Variants in DCC observed in about 807,000 individuals in gnomAD.
DCC encodes the protein DCC netrin 1 receptor.
In DCC, 58 loss-of-function variants were observed where a neutral mutation model predicts 172.5. That is an observed-to-expected ratio of 0.34 (90% CI 0.27 to 0.42). DCC has a LOEUF of 0.42. DCC is among the 10% of genes least tolerant of loss of function. The pLI, the probability that DCC is intolerant of heterozygous loss-of-function variation, is 1.00. For missense variants in DCC, 1,740 were observed against 1,791.0 expected (o/e 0.97, Z 0.51); for synonymous variants, 709 against 644.5 (o/e 1.10, Z -1.52).
chr18:53,091,777 A>G (rs1454873708), intron 7 of DCC, among the ~76,000 whole-genome samples: 2 of 151,922 alleles, frequency 1.3e-5, no homozygotes, highest in Non-Finnish European at 2.9e-5. Context: ...GGGAATATGA[A>G]TGTTACGTTC....
intron 13 of DCC, among the ~76,000 whole-genome samples, chr18:53,309,456 A>G (rs1381136613): frequency 6.6e-6 from 1 of 152,362 alleles, no homozygotes; most frequent in East Asian, 1.9e-4. Context: ...ATAAGGTCAC[A>G]TGCTGATCCT....
intron 7 of DCC, among the ~76,000 whole-genome samples, chr18:53,140,434 G>A (rs1318499815): frequency 1.3e-5 from 2 of 152,128 alleles, no homozygotes; most frequent in Admixed American, 6.5e-5. Flanking sequence ...GCAGAATAAC[G>A]AATGGAGTTG....
chr18:52,997,282 T>G (rs1394851478), intron 5 of DCC, among the ~76,000 whole-genome samples: 1 of 152,134 alleles, frequency 6.6e-6, no homozygotes, highest in Non-Finnish European at 1.5e-5. Flanking sequence ...ATATTCTACT[T>G]AGAATTTTGT....
At chr18:53,101,741 A>T (rs2043174649) in intron 7 of DCC, among the ~76,000 whole-genome samples, 1 of 152,018 alleles carries the variant, frequency 6.6e-6, no homozygotes, top group Non-Finnish European at 1.5e-5. Flanking sequence ...TTTACTAGAG[A>T]TGCCATCAAG....
chr18:52,712,536 T>C (rs1040014073), intron 1 of DCC, among the ~76,000 whole-genome samples: 1 of 152,170 alleles, frequency 6.6e-6, no homozygotes, highest in Non-Finnish European at 1.5e-5. Flanking sequence ...GTGACTGATC[T>C]CAAAGCAGGT....
At chr18:53,134,486 A>C (rs1368371956) in intron 7 of DCC, among the ~76,000 whole-genome samples, 1 of 152,142 alleles carries the variant, frequency 6.6e-6, no homozygotes, top group East Asian at 1.9e-4. Context: ...CTAGAGCCTT[A>C]CACTGTTCTT....
intron 1 of DCC, among the ~76,000 whole-genome samples, chr18:52,736,796 T>C (rs1429823186): frequency 6.6e-6 from 1 of 152,060 alleles, no homozygotes; most frequent in Non-Finnish European, 1.5e-5. Context: ...CTACAGGTAT[T>C]AGGAGAGAAC....
intron 7 of DCC, among the ~76,000 whole-genome samples, chr18:53,139,425 A>C (rs2043797337): frequency 6.6e-6 from 1 of 151,584 alleles, no homozygotes; most frequent in African/African-American, 2.4e-5. Flanking sequence ...AAAGTGTCCA[A>C]TGTCATGCAC....
chr18:52,919,702 T>C (rs1943122), intron 3 of DCC, among the ~76,000 whole-genome samples: 59,510 of 151,526 alleles, frequency 0.39, 12,298 homozygotes, highest in Non-Finnish European at 0.47. Flanking sequence ...AAAGATTAAA[T>C]ATTGGTAAGT....
Position 52,952,809 on chromosome 18 carries a change from C to T in DCC, c.985+27439C>T, listed in dbSNP as rs141487513. On this transcript the variant is annotated intron_variant, in intron 5 of 28. Transcript: ENST00000442544. ...GAGGCCAGGAGTTCAAGACTATCCT[C>T]GGCAACATAGTGAGATCCTGTCTTA... Among the ~76,000 whole-genome samples, 45 of 151,762 alleles carry T rather than the reference C, an allele frequency of 3.0e-4. No individual in the cohort carries two copies. In the East Asian group the frequency reaches 3.7e-3, roughly 12 times the overall value.
intron 7 of DCC, among the ~76,000 whole-genome samples, chr18:53,103,467 C>G (rs530967736): frequency 6.6e-6 from 1 of 152,110 alleles, no homozygotes; most frequent in South Asian, 2.1e-4. Context: ...GACACTTGAG[C>G]CTGGGCTCAA....
chr18:53,351,418 C>CAGTGTGTATATATATATAT (rs1404641165), intron 15 of DCC, among the ~76,000 whole-genome samples: 3 of 19,256 alleles, frequency 1.6e-4, no homozygotes. Context: ...TATATATATA[C>CAGTGTGTATATATATATAT]ACACTGTGTA....
At chr18:52,476,848 C>T (rs1052391820) in intron 1 of DCC, among the ~76,000 whole-genome samples, 1 of 152,180 alleles carries the variant, frequency 6.6e-6, no homozygotes, top group African/African-American at 2.4e-5. Flanking sequence ...TCGAGCATCA[C>T]TTATGAGTGC....
At chr18:53,357,250 A>T (rs2057887904) in intron 15 of DCC, among the ~76,000 whole-genome samples, 1 of 152,164 alleles carries the variant, frequency 6.6e-6, no homozygotes, top group African/African-American at 2.4e-5. Context: ...CCTAACTGTC[A>T]TATTGTATTT....
intron 1 of DCC, among the ~76,000 whole-genome samples, chr18:52,688,588 CA>C (rs1319264557): frequency 1.3e-5 from 2 of 152,040 alleles, no homozygotes; most frequent in South Asian, 2.1e-4. Context: ...TAGGTAATAA[CA>C]GTGCCCTATA....
chr18:52,487,770 C>T (rs369916074), intron 1 of DCC, among the ~76,000 whole-genome samples: 2 of 136,204 alleles, frequency 1.5e-5, no homozygotes, highest in Non-Finnish European at 3.1e-5. Context: ...TAGATTGTGC[C>T]GCTGCACTCC....
intron 1 of DCC, among the ~76,000 whole-genome samples, chr18:52,563,220 T>C (rs918863464): frequency 3.9e-5 from 6 of 152,178 alleles, no homozygotes; most frequent in Non-Finnish European, 8.8e-5. Flanking sequence ...CATGTAAATA[T>C]TAGTTTTTTG....
chr18:52,537,410 G>A (rs1188976280), intron 1 of DCC, among the ~76,000 whole-genome samples: 2 of 152,122 alleles, frequency 1.3e-5, no homozygotes, highest in Admixed American at 6.6e-5. Flanking sequence ...TGGAAATTAA[G>A]CTTTTTCAAA....
At chr18:52,366,318 T>C (rs959613296) in intron 1 of DCC, among the ~76,000 whole-genome samples, 1 of 152,116 alleles carries the variant, frequency 6.6e-6, no homozygotes, top group African/African-American at 2.4e-5. Flanking sequence ...GCAAGATTTA[T>C]TGCAAAGAGC....
Sources: allele counts gnomAD v4.1 joint callset (sites outside exome capture counted in the v4.1 genomes callset), GRCh38; gene constraint gnomAD v4.1.1; transcripts MANE v1.5; gene names NCBI Gene and HGNC (gene_info 2026-07-23, HGNC 2026-07-21).